TMEM108: variants seen among roughly 807,000 people sequenced by gnomAD.
TMEM108 encodes the protein cancer/testis antigen 124.
Under a neutral mutation model 35.1 loss-of-function variants are expected in TMEM108, and 12 were observed. The ratio of observed to expected loss-of-function variants is 0.34; its 90% confidence interval spans 0.22 to 0.55. The LOEUF (loss-of-function observed/expected upper bound fraction) is 0.55, where lower values mean the gene tolerates loss of function less well. TMEM108 is among the 20% of genes least tolerant of loss of function. The pLI, the probability that TMEM108 is intolerant of heterozygous loss-of-function variation, is 0.89. For missense variants in TMEM108, 680 were observed against 753.3 expected (o/e 0.90, Z 1.14); for synonymous variants, 287 against 308.6 (o/e 0.93, Z 0.73).
intron 2 of TMEM108, among the ~76,000 whole-genome samples, chr3:133,069,773 C>T (rs1394713995): frequency 2.0e-5 from 3 of 152,132 alleles, no homozygotes; most frequent in Non-Finnish European, 4.4e-5. Flanking sequence ...CAGGCTTTGT[C>T]TGTCTGTTTG....
intron 1 of TMEM108, 119 bp from the exon 2 acceptor site, chr3:133,045,783 C>G (rs1291736659): frequency 6.6e-6 from 1 of 152,510 alleles, no homozygotes; most frequent in Non-Finnish European, 1.5e-5. Context: ...TTTTATTGAA[C>G]TTGAGCTATT....
At chr3:133,084,427 G>T (rs1469810500) in intron 2 of TMEM108, among the ~76,000 whole-genome samples, 2 of 152,152 alleles carry the variant, frequency 1.3e-5, no homozygotes. Flanking sequence ...TTGGAGTAGG[G>T]TGCTGTGCAC....
intron 2 of TMEM108, among the ~76,000 whole-genome samples, chr3:133,142,500 G>A (rs912244669): frequency 6.6e-6 from 1 of 152,184 alleles, no homozygotes. Context: ...GTGGATGTGT[G>A]TGCTGGGAAG....
intron 2 of TMEM108, among the ~76,000 whole-genome samples, chr3:133,200,959 A>G (rs1453296431): frequency 6.6e-6 from 1 of 152,192 alleles, no homozygotes; most frequent in Non-Finnish European, 1.5e-5. Flanking sequence ...TTCTATCATC[A>G]CAGAAAATTC....
chr3:133,275,436 A>G (rs996181412), intron 3 of TMEM108, among the ~76,000 whole-genome samples: 1 of 152,220 alleles, frequency 6.6e-6, no homozygotes, highest in African/African-American at 2.4e-5. Flanking sequence ...TTGAAATTCA[A>G]TGTGTATTTT....
At chr3:133,257,788 T>C (rs1946568388) in intron 3 of TMEM108, among the ~76,000 whole-genome samples, 1 of 152,214 alleles carries the variant, frequency 6.6e-6, no homozygotes, top group Non-Finnish European at 1.5e-5. Flanking sequence ...TTCAGCCAGT[T>C]GTCTGTTGAG....
At position 133,371,600 on chromosome 3, in the gene TMEM108, A is replaced by G. The variant is rs371346108; in HGVS notation, c.41-8152A>G. On this transcript the variant is annotated intron_variant, in intron 3 of 5. Coordinates refer to ENST00000321871, the MANE Select transcript of TMEM108 (RefSeq NM_023943.4). The stretch of plus-strand genomic sequence containing the variant: ...GAAGTCAGGTAGCATCACTGCAGCC[A>G]GTCACAAACCCACAAAAAAAAAAAA... 1.2e-4 allele frequency among the ~76,000 whole-genome samples: 15 copies of G among 123,420 alleles called. No individual in the cohort carries two copies. In the East Asian group the frequency reaches 2.1e-3, roughly 17 times the overall value. The allele number at this position is 123,420 out of a possible 152,430, so 81.0% of individuals were successfully genotyped here. A position where few individuals can be genotyped will look rare whatever the true frequency, so the allele number is the denominator to read the frequency against.
chr3:133,177,985 G>A (rs148350233), intron 2 of TMEM108, among the ~76,000 whole-genome samples: 2,608 of 152,260 alleles, frequency 0.017, 98 homozygotes, highest in African/African-American at 0.059. Context: ...CAAAATCAAT[G>A]TGCAAAAATC....
At chr3:133,120,801 G>T (rs1444786671) in intron 2 of TMEM108, 1 of 152,154 alleles carries the variant, frequency 6.6e-6, no homozygotes, top group East Asian at 1.9e-4. Context: ...AGCACAGATA[G>T]AGCAAATGAT....
intron 2 of TMEM108, among the ~76,000 whole-genome samples, chr3:133,062,991 G>A (rs1186963447): frequency 1.3e-5 from 2 of 152,178 alleles, no homozygotes; most frequent in Non-Finnish European, 2.9e-5. Flanking sequence ...CTAAGGAGGT[G>A]AATTTGGACA....
intron 3 of TMEM108, among the ~76,000 whole-genome samples, chr3:133,306,487 G>C (rs1380252875): frequency 6.6e-6 from 1 of 152,086 alleles, no homozygotes; most frequent in African/African-American, 2.4e-5. Context: ...ATTTACATTA[G>C]GTATTTCTCC....
intron 2 of TMEM108, among the ~76,000 whole-genome samples, chr3:133,070,021 C>T (rs1252894288): frequency 6.6e-6 from 1 of 152,152 alleles, no homozygotes; most frequent in Non-Finnish European, 1.5e-5. Flanking sequence ...TCTCTCATGG[C>T]TCAGTACCAT....
At chr3:133,255,214 G>A (rs1946528775) in intron 3 of TMEM108, among the ~76,000 whole-genome samples, 1 of 152,150 alleles carries the variant, frequency 6.6e-6, no homozygotes, top group Non-Finnish European at 1.5e-5. Context: ...TTCTGAGAAG[G>A]CATTTGGAGC....
chr3:133,278,765 A>G (rs113625590), intron 3 of TMEM108, among the ~76,000 whole-genome samples: 2,286 of 152,242 alleles, frequency 0.015, 68 homozygotes, highest in African/African-American at 0.052. Context: ...ATACATGGAG[A>G]CAATTGGTAA....
intron 2 of TMEM108, among the ~76,000 whole-genome samples, chr3:133,166,894 T>C (rs1160301159): frequency 1.3e-5 from 2 of 152,240 alleles, no homozygotes; most frequent in African/African-American, 4.8e-5. Context: ...TCCTGCTCAT[T>C]GGCCCATTTT....
chr3:133,268,997 C>A (rs1238436305), intron 3 of TMEM108, among the ~76,000 whole-genome samples: 1 of 152,198 alleles, frequency 6.6e-6, no homozygotes, highest in Non-Finnish European at 1.5e-5. Context: ...ATATGGTCAA[C>A]AGGAACCACC....
At chr3:133,205,741 C>G (rs1390659851) in intron 2 of TMEM108, among the ~76,000 whole-genome samples, 1 of 152,130 alleles carries the variant, frequency 6.6e-6, no homozygotes, top group Non-Finnish European at 1.5e-5. Flanking sequence ...TTTTTTCATT[C>G]TTTTCAACCT....
At chr3:133,216,053 C>T (rs899213885) in intron 2 of TMEM108, among the ~76,000 whole-genome samples, 1 of 152,016 alleles carries the variant, frequency 6.6e-6, no homozygotes, top group African/African-American at 2.4e-5. Context: ...CAGTTGCCCC[C>T]ACACCACCTT....
intron 3 of TMEM108, among the ~76,000 whole-genome samples, chr3:133,237,576 C>T (rs1346477958): frequency 1.3e-5 from 2 of 152,144 alleles, no homozygotes; most frequent in Non-Finnish European, 2.9e-5. Context: ...TCCCTAGGGA[C>T]CCCTGAGGCT....
Sources: gnomAD v4.1 joint callset for allele counts (sites outside exome capture counted in the v4.1 genomes callset) on GRCh38, gnomAD v4.1.1 for gene constraint, MANE v1.5 for transcripts, NCBI Gene and HGNC (gene_info 2026-07-23, HGNC 2026-07-21) for gene names.